DDIT4: variants seen among roughly 807,000 people sequenced by gnomAD.
DDIT4 encodes the protein DNA damage-inducible transcript 4 protein.
Under a neutral mutation model 20.2 loss-of-function variants are expected in DDIT4, and 20 were observed. That is an observed-to-expected ratio of 0.99 (90% CI 0.70 to 1.44). The LOEUF (loss-of-function observed/expected upper bound fraction) is 1.44, where lower values mean the gene tolerates loss of function less well. Among genes scored for constraint, DDIT4 ranks in the 40% most tolerant of loss-of-function variants. The pLI, the probability that DDIT4 is intolerant of heterozygous loss-of-function variation, is 0.00. For synonymous variants in DDIT4, 152 were observed against 144.6 expected, an observed-to-expected ratio of 1.05 and a Z score of -0.37; for missense variants, 316 against 298.1, an observed-to-expected ratio of 1.06 and a Z score of -0.44.
Position 72,274,280 on chromosome 10 carries a change from C to T in DDIT4, c.64C>T (p.Arg22Ter). The T allele has an allele frequency of 3.7e-6, 6 of 1,613,638 alleles. No individual in the cohort carries two copies. The highest frequency in any genetic ancestry group is 5.1e-6 in the Non-Finnish European group (6 of 1,179,986). The change falls in exon 2 of 3, where the codon CGA becomes TGA. Residue 22 changes from arginine (R) to a stop codon, truncating the protein, a stop_gained. Transcript: ENST00000307365. LOFTEE classifies it high-confidence loss of function. ...CTCCTCTTCGCCCTCGTCCTTGCCCCGAACTCCCACCCCAGATCGGCCGCC... is the reference window on the plus strand; with the variant it reads ...CTCCTCTTCGCCCTCGTCCTTGCCCTGAACTCCCACCCCAGATCGGCCGCC... The part of the protein sequence containing the change: ...STSSSPSSLP[R>*]TPTPDRPPRS...
At position 72,275,829 on chromosome 10, in the gene DDIT4, A is replaced by G. The variant is rs928941434; in HGVS notation, c.*641A>G. The G allele has an allele frequency of 1.3e-5, 2 of 152,844 alleles. No homozygotes were observed. The highest frequency in any genetic ancestry group is 2.9e-5 in the Non-Finnish European group (2 of 68,290). 9.5% of individuals were successfully genotyped at this position (152,844 alleles called of 1,614,324 possible). ...GGCAGCTGCGTTTAAGCCTTCCCCC[A>G]TCGTGTACTGCAGAGTTGAGCTGGC... On this transcript the variant is annotated 3_prime_UTR_variant, in exon 3 of 3. Coordinates refer to ENST00000307365, the MANE Select transcript of DDIT4 (RefSeq NM_019058.4).
chr10:72,274,945 G>C lies in DDIT4; in HGVS notation c.456G>C (p.Glu152Asp). The stretch of plus-strand genomic sequence containing the variant: ...GGGCGCTGCTGGACGTCTGCGTGGA[G>C]CAGGGCAAGAGCTGCCACAGCGTGG... Reference protein sequence around the residue: ...LRGALLDVCVEQGKSCHSVGQ... With the variant: ...LRGALLDVCVDQGKSCHSVGQ... The change falls in exon 3 of 3, where the codon GAG (glutamate) becomes GAC (aspartate). Residue 152 changes from glutamate (E) to aspartate (D), a missense_variant. Coordinates refer to ENST00000307365, the MANE Select transcript of DDIT4 (RefSeq NM_019058.4). The C allele has an allele frequency of 6.2e-7, 1 of 1,612,570 alleles. No individual in the cohort carries two copies.
rs780394866 is a variant in DDIT4 at position 72,275,074 on chromosome 10, C to T, written c.585C>T (p.Ser195=). The part of the protein sequence containing the change: ...LWPKIQGLFS[S]ANSPFLPGFS... ...CCAAGATCCAGGGGCTGTTTAGCTC[C>T]GCCAACTCTCCCTTCCTCCCTGGCT... is the stretch of plus-strand genomic sequence containing the variant. The change falls in exon 3 of 3, where the codon TCC becomes TCT. Residue 195 remains serine, a synonymous_variant. Coordinates refer to ENST00000307365, the MANE Select transcript of DDIT4 (RefSeq NM_019058.4). 1.1e-5 allele frequency: 18 copies of T among 1,613,500 alleles called. No individual in the cohort carries two copies. Among genetic ancestry groups the T allele is most frequent in the South Asian group, 3.3e-5 (3 of 91,068 alleles).
Position 72,274,792 on chromosome 10 carries a change from G to A in DDIT4, c.303G>A (p.Gln101=). ...HLCANLMQLL[Q]ESLAQARLGS... ...GTGCCAACCTGATGCAGCTGCTGCAGGAGAGCCTGGCCCAGGCGCGGCTGG... is the reference window on the plus strand; with the variant it reads ...GTGCCAACCTGATGCAGCTGCTGCAAGAGAGCCTGGCCCAGGCGCGGCTGG... The change falls in exon 3 of 3, where the codon CAG becomes CAA. Residue 101 remains glutamine, a synonymous_variant. Coordinates refer to ENST00000307365, the MANE Select transcript of DDIT4 (RefSeq NM_019058.4). 2.5e-6 allele frequency: 4 copies of A among 1,613,992 alleles called. No homozygotes were observed. Among genetic ancestry groups the A allele is most frequent in the Non-Finnish European group, 3.4e-6 (4 of 1,180,050 alleles).
rs1335158133 is a variant in DDIT4, at chr10:72,275,133, G to T, written c.644G>T (p.Arg215Leu). 1.2e-6 allele frequency: 2 copies of T among 1,613,018 alleles called. No individual in the cohort carries two copies. Among genetic ancestry groups the T allele is most frequent in the Non-Finnish European group, 1.7e-6 (2 of 1,179,984 alleles). The change falls in exon 3 of 3, where the codon CGA (arginine) becomes CTA (leucine). Residue 215 changes from arginine (R) to leucine (L), a missense_variant. By Grantham distance (102) the Arg-to-Leu change is moderately radical. Coordinates refer to ENST00000307365, the MANE Select transcript of DDIT4 (RefSeq NM_019058.4). ...TCCCTGACGCTGAGCACTGGCTTCC[G>T]AGTCATCAAGAAGAAGCTGTACAGC... ...SQSLTLSTGF[R>L]VIKKKLYSSE...
intron 2 of DDIT4, 61 bp from the exon 3 acceptor site, chr10:72,274,634 C>A (rs1000527268): frequency 8.5e-6 from 13 of 1,535,468 alleles, no homozygotes; most frequent in Non-Finnish European, 1.0e-5. Context: ...GCACCTCCCC[C>A]GCCTGTGCGT....
Position 72,275,116 on chromosome 10 carries a change from G to C in DDIT4, c.627G>C (p.Thr209=). Reference sequence around the variant, plus strand: ...TCCCTGGCTTCAGCCAGTCCCTGACGCTGAGCACTGGCTTCCGAGTCATCA... The same window carrying C: ...TCCCTGGCTTCAGCCAGTCCCTGACCCTGAGCACTGGCTTCCGAGTCATCA... ...PFLPGFSQSL[T]LSTGFRVIKK... The change falls in exon 3 of 3, where the codon ACG becomes ACC. Residue 209 remains threonine, a synonymous_variant. Coordinates refer to ENST00000307365, the MANE Select transcript of DDIT4 (RefSeq NM_019058.4). The C allele has an allele frequency of 6.2e-7, 1 of 1,613,244 alleles. No homozygotes were observed. The highest frequency in any genetic ancestry group is 8.5e-7 in the Non-Finnish European group (1 of 1,179,958).
chr10:72,274,991 A>G lies in DDIT4; in HGVS notation c.502A>G (p.Ser168Gly), dbSNP rs530780585. Reference protein sequence around the residue: ...HSVGQLALDPSLVPTFQLTLV... With the variant: ...HSVGQLALDPGLVPTFQLTLV... Reference sequence around the variant, plus strand: ...CGTGGGCCAGCTGGCACTCGACCCCAGCCTGGTGCCCACCTTCCAGCTGAC... The same window carrying G: ...CGTGGGCCAGCTGGCACTCGACCCCGGCCTGGTGCCCACCTTCCAGCTGAC... The change falls in exon 3 of 3, where the codon AGC becomes GGC. Residue 168 changes from serine (S) to glycine (G), a missense_variant. By Grantham distance (56) the Ser-to-Gly change is moderately conservative. Coordinates refer to ENST00000307365, the MANE Select transcript of DDIT4 (RefSeq NM_019058.4). 1.7e-4 allele frequency: 281 copies of G among 1,613,332 alleles called. 3 individuals carry two copies. The South Asian group carries it at 2.6e-3, about 15-fold the overall frequency.
At position 72,275,540 on chromosome 10, in the gene DDIT4, G is replaced by A. The variant is rs192124186; in HGVS notation, c.*352G>A. On this transcript the variant is annotated 3_prime_UTR_variant, in exon 3 of 3. Transcript: ENST00000307365. ...AGCTGGGCTGCTCCCGCCCCAGCCC[G>A]GCCCAGGGTGAAGGAAGAGGCACGT... The A allele has an allele frequency of 9.7e-4, 212 of 219,442 alleles. 2 individuals carry two copies. Among genetic ancestry groups the A allele is most frequent in the South Asian group, 3.6e-3 (51 of 14,290 alleles). 13.6% of individuals were successfully genotyped at this position (219,442 alleles called of 1,614,324 possible).
At chr10:72,274,444 C>T in intron 2 of DDIT4, 23 bp downstream of exon 2, 2 of 1,531,946 alleles carry the variant, frequency 1.3e-6, no homozygotes, top group Non-Finnish European at 1.7e-6. Flanking sequence ...CGGGTGCCGA[C>T]GCGACTCGAG....
In DDIT4 at chr10:72,274,042, T is replaced by A; in HGVS notation, c.-79T>A. The A allele has an allele frequency of 1.6e-6, 1 of 633,112 alleles. No individual in the cohort carries two copies. Among genetic ancestry groups the A allele is most frequent in the Non-Finnish European group, 2.8e-6 (1 of 352,772 alleles). The allele number at this position is 633,112 out of a possible 1,614,324, so 39.2% of individuals were successfully genotyped here. On this transcript the variant is annotated 5_prime_UTR_variant, in exon 1 of 3. Coordinates refer to ENST00000307365, the MANE Select transcript of DDIT4 (RefSeq NM_019058.4). ...CAGGACGCACTTGTCTTAGCAGTTC[T>A]CGCTGACCGCGCTAGCTGGTGAGTG...
In DDIT4 at chr10:72,274,760, C is replaced by T. The variant is rs1205542400; in HGVS notation, c.271C>T (p.His91Tyr). 8.7e-6 allele frequency: 14 copies of T among 1,613,994 alleles called. No homozygotes were observed. The highest frequency in any genetic ancestry group is 1.2e-5 in the Non-Finnish European group (14 of 1,180,040). The part of the protein sequence containing the change: ...FELLSDPEDE[H>Y]LCANLMQLLQ... Reference sequence around the variant, plus strand: ...GCTGCTCAGTGACCCTGAGGATGAACACTTGTGTGCCAACCTGATGCAGCT... The same window carrying T: ...GCTGCTCAGTGACCCTGAGGATGAATACTTGTGTGCCAACCTGATGCAGCT... Residue 91 changes from histidine (H) to tyrosine (Y), a missense_variant, in exon 3 of 3, where the codon CAC becomes TAC. Transcript: ENST00000307365.
rs1052486359 is a variant in DDIT4 at position 72,274,069 on chromosome 10, C to T, written c.-61+9C>T. ...GCTGACCGCGCTAGCTGGTGAGTGT[C>T]CCTTCTGTGTGTGGGTCCTAGAGCT... On this transcript the variant is annotated intron_variant, in intron 1 of 2. Coordinates refer to ENST00000307365, the MANE Select transcript of DDIT4 (RefSeq NM_019058.4). The T allele has an allele frequency of 2.5e-5, 17 of 692,670 alleles. No individual in the cohort carries two copies. The highest frequency in any genetic ancestry group is 1.6e-4 in the African/African-American group (9 of 56,740). The allele number at this position is 692,670 out of a possible 1,614,324, so 42.9% of individuals were successfully genotyped here.
At position 72,274,908 on chromosome 10, in the gene DDIT4, G is replaced by C. The variant is rs772413621; in HGVS notation, c.419G>C (p.Cys140Ser). 1 of 1,612,736 alleles carries C rather than the reference G, an allele frequency of 6.2e-7. No homozygotes were observed. Among genetic ancestry groups the C allele is most frequent in the Non-Finnish European group, 8.5e-7 (1 of 1,179,884 alleles). The change falls in exon 3 of 3, where the codon TGC becomes TCC. Residue 140 changes from cysteine to serine, a missense_variant. Physicochemically the swap from Cys to Ser is moderately radical, Grantham distance 112. Transcript: ENST00000307365. ...ELLRLAYSEP[C>S]GLRGALLDVC... ...CTGCGCCTGGCCTACAGCGAGCCGT[G>C]CGGCCTGCGGGGGGCGCTGCTGGAC... is the stretch of plus-strand genomic sequence containing the variant.
rs931958644 is a variant in DDIT4 at position 72,273,932 on chromosome 10, C to T, written c.-189C>T. 5.9e-6 allele frequency: 3 copies of T among 506,014 alleles called. No individual in the cohort carries two copies. The highest frequency in any genetic ancestry group is 2.0e-5 in the African/African-American group (1 of 50,994). The allele number at this position is 506,014 out of a possible 1,614,324, so 31.3% of individuals were successfully genotyped here. On this transcript the variant is annotated 5_prime_UTR_variant, in exon 1 of 3. Coordinates refer to ENST00000307365, the MANE Select transcript of DDIT4 (RefSeq NM_019058.4). Reference sequence around the variant, plus strand: ...CGCGCTGGTGCTAGGGCGCAGCAGGCCAAGGGGGAGGTGCGAGCGTGGACC... The same window carrying T: ...CGCGCTGGTGCTAGGGCGCAGCAGGTCAAGGGGGAGGTGCGAGCGTGGACC...
chr10:72,275,225 C>A lies in DDIT4; in HGVS notation c.*37C>A. ...AGGGGGCCGACAGTGCCCTCCAAGACAGAGACGACTGAACTTTTGGGGTGG... is the reference window on the plus strand; with the variant it reads ...AGGGGGCCGACAGTGCCCTCCAAGAAAGAGACGACTGAACTTTTGGGGTGG... On this transcript the variant is annotated 3_prime_UTR_variant, in exon 3 of 3. Coordinates refer to ENST00000307365, the MANE Select transcript of DDIT4 (RefSeq NM_019058.4). 6.4e-7 allele frequency: 1 copy of A among 1,566,062 alleles called. No individual in the cohort carries two copies. The highest frequency in any genetic ancestry group is 1.2e-5 in the South Asian group (1 of 86,100).
At position 72,274,597 on chromosome 10, in the gene DDIT4, A is replaced by G. The variant is rs901356784; in HGVS notation, c.206-98A>G. On this transcript the variant is annotated intron_variant, in intron 2 of 2. Transcript: ENST00000307365. ...GGCGGAAACTGAGGCACGGAGTGGG[A>G]AGGAGCGTTGGTTTCTTAAGGAAAC... The G allele has an allele frequency of 3.4e-6, 5 of 1,472,420 alleles. No homozygotes were observed. The African/African-American group carries it at 5.6e-5, about 17-fold the overall frequency. 91.2% of individuals were successfully genotyped at this position (1,472,420 alleles called of 1,614,324 possible).
rs1860801640 is a variant in DDIT4, at chr10:72,274,414, G to A, written c.198G>A (p.Pro66=). 5 of 1,562,550 alleles carry A rather than the reference G, an allele frequency of 3.2e-6. No homozygotes were observed. Among genetic ancestry groups the A allele is most frequent in the Non-Finnish European group, 4.3e-6 (5 of 1,156,652 alleles). Residue 66 remains proline (P), a synonymous_variant, in exon 2 of 3, where the codon CCG becomes CCA. Coordinates refer to ENST00000307365, the MANE Select transcript of DDIT4 (RefSeq NM_019058.4). Reference sequence around the variant, plus strand: ...ACAGCAGCAACAGTGGCTTCGGGCCGGAGGAAGGTGAGCGGTGGGCGGGTG... The same window carrying A: ...ACAGCAGCAACAGTGGCTTCGGGCCAGAGGAAGGTGAGCGGTGGGCGGGTG... ...SLDSSNSGFG[P]EEDTAYLDGV...
rs778120814 is a variant in DDIT4, at chr10:72,274,871, G to A, written c.382G>A (p.Gly128Ser). Residue 128 changes from glycine (G) to serine (S), a missense_variant, in exon 3 of 3, where the codon GGC becomes AGC. Physicochemically the swap from Gly to Ser is moderately conservative, Grantham distance 56. Transcript: ENST00000307365. ...GCCTAGCCAGTTGGTAAGCCAGGTG[G>A]GCAAAGAACTACTGCGCCTGGCCTA... ...LMPSQLVSQV[G>S]KELLRLAYSE... 19 of 1,613,232 alleles carry A rather than the reference G, an allele frequency of 1.2e-5. No individual in the cohort carries two copies. Among genetic ancestry groups the A allele is most frequent in the Admixed American group, 1.7e-5 (1 of 59,990 alleles).
Sources: gnomAD v4.1 joint callset for allele counts on GRCh38, gnomAD v4.1.1 for gene constraint, MANE v1.5 for transcripts, NCBI Gene and HGNC (gene_info 2026-07-23, HGNC 2026-07-21) for gene names.